The following GDAP1 variants were observed in gnomAD, a reference collection of about 807,000 sequenced individuals.
GDAP1 encodes the protein ganglioside induced differentiation associated protein 1.
Under a neutral mutation model 40.1 loss-of-function variants are expected in GDAP1, and 34 were observed. The ratio of observed to expected loss-of-function variants is 0.85; its 90% CI spans 0.64 to 1.13. The LOEUF (loss-of-function observed/expected upper bound fraction) is 1.13. GDAP1 is among the 50% of genes most tolerant of loss of function. The pLI, the probability that GDAP1 is intolerant of heterozygous loss-of-function variation, is 0.00. For synonymous variants in GDAP1, 170 were observed against 157.4 expected (o/e 1.08, Z -0.60); for missense variants, 374 against 433.7 (o/e 0.86, Z 1.22).
At chr8:74,397,258 C>G (rs1415392380) in intron 2 of GDAP1, among the ~76,000 whole-genome samples, 21 of 150,748 alleles carry the variant, frequency 1.4e-4, no homozygotes, top group African/African-American at 4.6e-4. Flanking sequence ...GGATATTAGC[C>G]CTTTGTCAGA....
intron 2 of GDAP1, among the ~76,000 whole-genome samples, chr8:74,463,304 A>G (rs1242132874): frequency 1.3e-5 from 2 of 148,770 alleles, no homozygotes; most frequent in African/African-American, 5.0e-5. Flanking sequence ...AAATAAAAAA[A>G]TAAATTAGCG....
chr8:74,414,072 A>G (rs1805747971), intron 2 of GDAP1, among the ~76,000 whole-genome samples: 1 of 150,216 alleles, frequency 6.7e-6, no homozygotes, highest in African/African-American at 2.5e-5. Flanking sequence ...GCAGATCAGA[A>G]TAGTACTGGT....
intron 2 of GDAP1, among the ~76,000 whole-genome samples, chr8:74,442,053 C>A (rs1340847147): frequency 6.6e-6 from 1 of 152,168 alleles, no homozygotes; most frequent in Non-Finnish European, 1.5e-5. Context: ...TTCTTGCTAC[C>A]ATTTAAAACT....
At chr8:74,418,808 CAT>C (rs1805819627) in intron 2 of GDAP1, among the ~76,000 whole-genome samples, 1 of 151,992 alleles carries the variant, frequency 6.6e-6, no homozygotes, top group African/African-American at 2.4e-5. Context: ...GTATTTAAAA[CAT>C]ATAAACAACT....
At position 74,364,315 on chromosome 8, in the gene GDAP1, A is replaced by C; in HGVS notation, c.1025A>C (p.Lys342Thr). ...VGYFAFMLFR[K>T]RLGSMILAFR... ...TATTTTGCTTTTATGCTTTTCAGAAAGAGGCTTGGCAGCATGATATTAGCA... is the reference window on the plus strand; with the variant it reads ...TATTTTGCTTTTATGCTTTTCAGAACGAGGCTTGGCAGCATGATATTAGCA... Residue 342 changes from lysine (K) to threonine (T), a missense_variant, in exon 6 of 6, where the codon AAG becomes ACG. Coordinates refer to ENST00000220822, the MANE Select transcript of GDAP1 (RefSeq NM_018972.4). 6 of 1,614,146 alleles carry C rather than the reference A, an allele frequency of 3.7e-6. No individual in the cohort carries two copies. Among genetic ancestry groups the C allele is most frequent in the Non-Finnish European group, 5.1e-6 (6 of 1,179,984 alleles).
At chr8:74,356,718 T>TATATATA (rs1563440394) in intron 2 of GDAP1, among the ~76,000 whole-genome samples, 2 of 96,522 alleles carry the variant, frequency 2.1e-5, no homozygotes, top group African/African-American at 9.3e-5. Flanking sequence ...ATATATATAT[T>TATATATA]TTTTTTTTTT....
In GDAP1 at chr8:74,402,614, A is replaced by C. The variant is rs867229592; in HGVS notation, c.165+51293A>C. ...TAGTGAGATGAACCTGGTACCTGAG[A>C]TGGAAATGCAGAAATCACCCGTCTT... On this transcript the variant is annotated intron_variant, in intron 2 of 2. Coordinates refer to the GDAP1 transcript ENST00000523640. Among the ~76,000 whole-genome samples the C allele has an allele frequency of 2.0e-5, 3 of 150,306 alleles. 1 individual carries two copies. Among genetic ancestry groups the C allele is most frequent in the African/African-American group, 7.6e-5 (3 of 39,590 alleles).
intron 2 of GDAP1, among the ~76,000 whole-genome samples, chr8:74,439,198 T>A (rs956543358): frequency 1.3e-5 from 2 of 152,262 alleles, no homozygotes; most frequent in East Asian, 3.9e-4. Flanking sequence ...CTAGTAAGTC[T>A]TTAATCTACA....
intron 2 of GDAP1, among the ~76,000 whole-genome samples, chr8:74,407,297 A>T (rs193082200): frequency 6.7e-6 from 1 of 149,756 alleles, no homozygotes; most frequent in Non-Finnish European, 1.5e-5. Context: ...AACTTGATTG[A>T]ATCGAAGTAT....
At chr8:74,472,031 A>T (rs1387773651) in intron 2 of GDAP1, among the ~76,000 whole-genome samples, 1 of 152,040 alleles carries the variant, frequency 6.6e-6, no homozygotes, top group Non-Finnish European at 1.5e-5. Context: ...TGTACAGATT[A>T]TTTTGTCACC....
chr8:74,392,039 G>A (rs986860466), intron 2 of GDAP1, among the ~76,000 whole-genome samples: 75 of 152,180 alleles, frequency 4.9e-4, no homozygotes, highest in African/African-American at 1.7e-3. Context: ...GGCTGGTCTC[G>A]AACTCCCGAC....
chr8:74,383,498 T>A (rs1344626659), intron 2 of GDAP1, among the ~76,000 whole-genome samples: 1 of 152,220 alleles, frequency 6.6e-6, no homozygotes, highest in Non-Finnish European at 1.5e-5. Context: ...TCAAAAGTTT[T>A]AGATTTAATA....
At chr8:74,439,777 A>G (rs906512023) in intron 2 of GDAP1, among the ~76,000 whole-genome samples, 1 of 152,068 alleles carries the variant, frequency 6.6e-6, no homozygotes, top group African/African-American at 2.4e-5. Flanking sequence ...TTTAAACCAT[A>G]AATTAAATTT....
chr8:74,384,935 C>T lies in GDAP1; in HGVS notation c.165+33614C>T, dbSNP rs533333898. On this transcript the variant is annotated intron_variant, in intron 2 of 2. Transcript: ENST00000523640. ...AAAAAGTATACTAAGGAACAATATC[C>T]ATATGGGTATGGATCTATTCCAAAC... 2.0e-5 allele frequency among the ~76,000 whole-genome samples: 3 copies of T among 152,210 alleles called. No homozygotes were observed. In the South Asian group the frequency reaches 6.2e-4, roughly 32 times the overall value.
chr8:74,372,758 C>T (rs1563450015), intron 2 of GDAP1, among the ~76,000 whole-genome samples: 1 of 152,212 alleles, frequency 6.6e-6, no homozygotes, highest in African/African-American at 2.4e-5. Context: ...TGTGCAGAAG[C>T]TCTTTAGCTT....
chr8:74,381,617 G>T (rs191146330), intron 2 of GDAP1, among the ~76,000 whole-genome samples: 1 of 151,870 alleles, frequency 6.6e-6, no homozygotes, highest in Non-Finnish European at 1.5e-5. Context: ...TTAGTTGGAC[G>T]TGGTGGCAGG....
intron 2 of GDAP1, among the ~76,000 whole-genome samples, chr8:74,420,253 T>A (rs2131558512): frequency 6.6e-6 from 1 of 152,224 alleles, no homozygotes; most frequent in East Asian, 1.9e-4. Context: ...TCATAAAAAA[T>A]GGAAGTGGTC....
chr8:74,397,610 G>A lies in GDAP1; in HGVS notation c.165+46289G>A, dbSNP rs1489301401. ...TTTCCCAGCACCATTTATTAAATAG[G>A]GAATCCTTTCCCCATTGCTTGTTTT... is the stretch of plus-strand genomic sequence containing the variant. On this transcript the variant is annotated intron_variant, in intron 2 of 2. Coordinates refer to the GDAP1 transcript ENST00000523640. Among the ~76,000 whole-genome samples the A allele has an allele frequency of 9.2e-5, 14 of 152,126 alleles. No homozygotes were observed. In the South Asian group the frequency reaches 2.9e-3, roughly 32 times the overall value.
intron 2 of GDAP1, among the ~76,000 whole-genome samples, chr8:74,462,020 T>C (rs1027731941): frequency 6.6e-6 from 1 of 152,184 alleles, no homozygotes; most frequent in Non-Finnish European, 1.5e-5. Context: ...AGAATAAACA[T>C]CAAAACTTGA....
Sources: allele counts gnomAD v4.1 joint callset (sites outside exome capture counted in the v4.1 genomes callset), GRCh38; gene constraint gnomAD v4.1.1; transcripts MANE v1.5; gene names NCBI Gene and HGNC (gene_info 2026-07-23, HGNC 2026-07-21).